Variants in ARID4B observed in about 807,000 individuals in gnomAD.
ARID4B encodes the protein AT-rich interaction domain 4B, also known as AT-rich interactive domain-containing protein 4B.
In ARID4B, 26 loss-of-function variants were observed where a neutral mutation model predicts 147.5. That is an observed-to-expected ratio of 0.18 (90% CI 0.13 to 0.24). The LOEUF is 0.24. Ranked by LOEUF, ARID4B falls within the 10% of genes least tolerant of loss-of-function variation. The pLI, the probability that ARID4B is intolerant of heterozygous loss-of-function variation, is 1.00. For synonymous variants in ARID4B, 512 were observed against 507.9 expected, an observed-to-expected ratio of 1.01 and a Z score of -0.11; for missense variants, 1,179 against 1,511.5, an observed-to-expected ratio of 0.78 and a Z score of 3.65.
At chr1:235,168,785 A>G (rs1663115572) in intron 23 of ARID4B, 133 bp from the exon 24 acceptor site, 3 of 917,830 alleles carry the variant, frequency 3.3e-6, no homozygotes, top group South Asian at 3.6e-5. Context: ...ACAGTGGTCA[A>G]TTCTCACAGT....
chr1:235,233,877 G>A (rs554662423), intron 9 of ARID4B, among the ~76,000 whole-genome samples: 46 of 152,262 alleles, frequency 3.0e-4, no homozygotes, highest in African/African-American at 8.2e-4. Context: ...TCAGGAGTTC[G>A]AGACCAGCCT....
chr1:235,319,986 A>G (rs6690832), intron 2 of ARID4B, among the ~76,000 whole-genome samples: 70,877 of 151,722 alleles, frequency 0.47, 16,875 homozygotes, highest in South Asian at 0.6. Context: ...AATTAGCCAG[A>G]CATGGTGGCA....
At chr1:235,277,589 T>C (rs1460935141) in intron 2 of ARID4B, among the ~76,000 whole-genome samples, 1 of 133,924 alleles carries the variant, frequency 7.5e-6, no homozygotes, top group Non-Finnish European at 1.6e-5. Context: ...TTTTAATGCC[T>C]TATATTGTGT....
intron 2 of ARID4B, among the ~76,000 whole-genome samples, chr1:235,267,700 C>T (rs891719230): frequency 2.9e-4 from 44 of 151,848 alleles, no homozygotes; most frequent in African/African-American, 1.1e-3. Flanking sequence ...GGTGTGGTGG[C>T]GGGTGCCTGT....
intron 11 of ARID4B, chr1:235,228,442 G>A (rs1391144279): frequency 1.3e-5 from 2 of 150,978 alleles, no homozygotes; most frequent in Non-Finnish European, 3.0e-5. Flanking sequence ...GCTACTGAGT[G>A]CACTGGGGCT....
At chr1:235,265,289 C>G (rs898387956) in intron 2 of ARID4B, among the ~76,000 whole-genome samples, 2 of 151,528 alleles carry the variant, frequency 1.3e-5, no homozygotes, top group African/African-American at 4.9e-5. Context: ...TCACTTGAAC[C>G]TGGGAGGTAG....
At chr1:235,271,647 A>G (rs1670993826) in intron 2 of ARID4B, among the ~76,000 whole-genome samples, 1 of 151,228 alleles carries the variant, frequency 6.6e-6, no homozygotes, top group African/African-American at 2.4e-5. Context: ...ATAAAATAAA[A>G]TAAATAATAA....
At chr1:235,239,728 C>T (rs1172903666) in intron 8 of ARID4B, among the ~76,000 whole-genome samples, 1 of 151,972 alleles carries the variant, frequency 6.6e-6, no homozygotes, top group Non-Finnish European at 1.5e-5. Flanking sequence ...CTCAGAATCA[C>T]AAAAAGGCAA....
intron 19 of ARID4B, among the ~76,000 whole-genome samples, chr1:235,185,512 G>A (rs753345375): frequency 1.3e-5 from 2 of 152,076 alleles, no homozygotes; most frequent in African/African-American, 2.4e-5. Context: ...GCTGTCATCC[G>A]GGGAATCCTC....
intron 17 of ARID4B, among the ~76,000 whole-genome samples, chr1:235,199,007 G>T (rs939581376): frequency 6.6e-6 from 1 of 152,138 alleles, no homozygotes; most frequent in Non-Finnish European, 1.5e-5. Context: ...GCTGAGGCTG[G>T]AGAATCGCTT....
At chr1:235,296,845 G>GGGAGGAAGGGAGAGAAA (rs1558289344) in intron 2 of ARID4B, among the ~76,000 whole-genome samples, 3 of 118,030 alleles carry the variant, frequency 2.5e-5, no homozygotes, top group Admixed American at 8.3e-5. Flanking sequence ...AAGGGAGGAA[G>GGGAGGAAGGGAGAGAAA]GAGGGAGGGA....
chr1:235,201,601 G>C (rs1333995623), intron 17 of ARID4B, among the ~76,000 whole-genome samples: 1 of 152,202 alleles, frequency 6.6e-6, no homozygotes. Flanking sequence ...TGGGATTATA[G>C]GTGTGAGCCA....
rs199556870 is a variant in ARID4B at position 235,177,907 on chromosome 1, G to A, written c.3341C>T (p.Thr1114Ile). ...PEPEHPEKACTGQKRVKDAQG... is the reference protein window; with the variant it reads ...PEPEHPEKACIGQKRVKDAQG... ...AGCATCTTTCACTCTTTTCTGACCT[G>A]TACAGGCTATGAAGGGAAAGGAATT... Residue 1114 changes from threonine (T) to isoleucine (I), a missense_variant, in exon 21 of 24, where the codon ACA (threonine) becomes ATA (isoleucine). By Grantham distance (89) the Thr-to-Ile change is moderately conservative. Transcript: ENST00000264183. 10 of 1,578,808 alleles carry A rather than the reference G, an allele frequency of 6.3e-6. No homozygotes were observed. The highest frequency in any genetic ancestry group is 1.4e-5 in the African/African-American group (1 of 73,264).
intron 17 of ARID4B, among the ~76,000 whole-genome samples, chr1:235,208,554 G>A (rs2102995733): frequency 6.6e-6 from 1 of 152,156 alleles, no homozygotes; most frequent in South Asian, 2.1e-4. Flanking sequence ...CCAGGCTGGA[G>A]TGCAATGGCG....
rs148697643 is a variant in ARID4B at position 235,202,443 on chromosome 1, T to C, written c.1842-6328A>G. On this transcript the variant is annotated intron_variant, in intron 17 of 23. Transcript: ENST00000264183. Reference sequence around the variant, plus strand: ...TGATAATATTTCTATTGAGATCACTTAACATTCAACTAACAAAACATAAAA... The same window carrying C: ...TGATAATATTTCTATTGAGATCACTCAACATTCAACTAACAAAACATAAAA... Among the ~76,000 whole-genome samples, 162 of 151,254 alleles carry C rather than the reference T, an allele frequency of 1.1e-3. 1 individual carries two copies. The highest frequency in any genetic ancestry group is 1.6e-3 in the Non-Finnish European group (108 of 67,884).
intron 16 of ARID4B, among the ~76,000 whole-genome samples, chr1:235,219,111 G>T (rs943821245): frequency 6.6e-6 from 1 of 151,902 alleles, no homozygotes; most frequent in African/African-American, 2.4e-5. Context: ...TGATCTGCCC[G>T]CCCCGGTCTC....
intron 17 of ARID4B, among the ~76,000 whole-genome samples, chr1:235,200,309 A>C (rs1665811827): frequency 6.6e-6 from 1 of 152,158 alleles, no homozygotes; most frequent in South Asian, 2.1e-4. Context: ...AAATACAAAA[A>C]TCAGCCAGGC....
chr1:235,276,367 C>T (rs1430898136), intron 2 of ARID4B, among the ~76,000 whole-genome samples: 3 of 152,036 alleles, frequency 2.0e-5, no homozygotes, highest in Non-Finnish European at 2.9e-5. Context: ...TTACCAGATG[C>T]GTCTGGCCCT....
intron 2 of ARID4B, among the ~76,000 whole-genome samples, chr1:235,306,502 CAA>C (rs35505288): frequency 7.7e-6 from 1 of 129,598 alleles, no homozygotes; most frequent in Non-Finnish European, 1.6e-5. Context: ...GACTCCATCT[CAA>C]AAAAAAAAAA....
Sources: gnomAD v4.1 joint callset for allele counts (sites outside exome capture counted in the v4.1 genomes callset) on GRCh38, gnomAD v4.1.1 for gene constraint, MANE v1.5 for transcripts, NCBI Gene and HGNC (gene_info 2026-07-23, HGNC 2026-07-21) for gene names.